RANBP2: variants seen among roughly 807,000 people sequenced by gnomAD.
RANBP2 encodes RAN binding protein 2.
In RANBP2, 57 loss-of-function variants were observed where a neutral mutation model predicts 303.6. That is an observed-to-expected ratio of 0.19 (90% CI 0.15 to 0.23). The LOEUF (loss-of-function observed/expected upper bound fraction) is 0.23, where lower values mean the gene tolerates loss of function less well. Ranked by LOEUF, RANBP2 falls within the 10% of genes least tolerant of loss-of-function variation. The pLI is 1.00. For missense variants in RANBP2, 3,138 were observed against 3,780.8 expected (o/e 0.83, Z 4.46); for synonymous variants, 1,167 against 1,301.5 (o/e 0.90, Z 2.23).
intron 18 of RANBP2, among the ~76,000 whole-genome samples, chr2:108,759,901 C>T (rs1676605743): frequency 6.6e-6 from 1 of 152,126 alleles, no homozygotes; most frequent in Admixed American, 6.6e-5. Flanking sequence ...CCAACATTCT[C>T]ATTGTCTCAT....
At chr2:109,642,139 G>A in the RANBP2 span, among the ~76,000 whole-genome samples, 2 of 152,056 alleles carry the variant, frequency 1.3e-5, no homozygotes, top group Non-Finnish European at 1.5e-5. Context: ...TGTTGGCTAG[G>A]CTGGTCTCGA....
chr2:109,154,723 G>C, the RANBP2 span, among the ~76,000 whole-genome samples: 6 of 152,206 alleles, frequency 3.9e-5, no homozygotes, highest in African/African-American at 1.4e-4. Context: ...CAAGGTCTGT[G>C]GGGGGTGATG....
the RANBP2 span, among the ~76,000 whole-genome samples, chr2:109,651,895 G>A: frequency 6.6e-6 from 1 of 152,154 alleles, no homozygotes; most frequent in East Asian, 1.9e-4. Context: ...CATGGTCTGT[G>A]TACAAAATGG....
the RANBP2 span, among the ~76,000 whole-genome samples, chr2:109,053,261 C>T: frequency 1.3e-5 from 2 of 152,180 alleles, no homozygotes; most frequent in Non-Finnish European, 1.5e-5. Context: ...TGTGAGAGGG[C>T]GAAACACTCG....
At chr2:108,894,134 A>C in the RANBP2 span, among the ~76,000 whole-genome samples, 5 of 152,196 alleles carry the variant, frequency 3.3e-5, no homozygotes, top group East Asian at 5.8e-4. Context: ...GAGCTATGAT[A>C]ATAAATGACT....
chr2:109,090,897 A>G, the RANBP2 span, among the ~76,000 whole-genome samples: 3 of 152,084 alleles, frequency 2.0e-5, no homozygotes, highest in African/African-American at 7.2e-5. Flanking sequence ...ATTTTTTCAT[A>G]CAATTTTCCC....
chr2:109,761,200 CGAA>C, the RANBP2 span, among the ~76,000 whole-genome samples: 4 of 142,696 alleles, frequency 2.8e-5, no homozygotes, highest in East Asian at 8.8e-4. Context: ...GGTGCTGCTG[CGAA>C]GTGCCCTTAG....
the RANBP2 span, among the ~76,000 whole-genome samples, chr2:109,064,465 A>AC: frequency 2.0e-5 from 3 of 148,462 alleles, no homozygotes; most frequent in South Asian, 6.6e-4. Flanking sequence ...CAAAAAAAAA[A>AC]AAAAAACAAA....
the RANBP2 span, among the ~76,000 whole-genome samples, chr2:109,108,655 A>G: frequency 6.6e-6 from 1 of 152,206 alleles, no homozygotes; most frequent in Admixed American, 6.5e-5. Flanking sequence ...TACAGGATAA[A>G]GAATTCTGGG....
chr2:109,548,255 C>T, the RANBP2 span, among the ~76,000 whole-genome samples: 1 of 151,860 alleles, frequency 6.6e-6, no homozygotes, highest in Non-Finnish European at 1.5e-5. Flanking sequence ...AACACAACCA[C>T]AGTGTCTAGA....
chr2:109,270,949 G>T, the RANBP2 span, among the ~76,000 whole-genome samples: 1 of 152,168 alleles, frequency 6.6e-6, no homozygotes, highest in Admixed American at 6.5e-5. Flanking sequence ...TGGCTAAGTG[G>T]GTTCTGCTTC....
chr2:109,615,090 G>T, the RANBP2 span: 7 of 1,549,580 alleles, frequency 4.5e-6, no homozygotes, highest in East Asian at 1.5e-4. Flanking sequence ...ACAGAGGCCG[G>T]CCCGCCAGAA....
chr2:109,419,049 G>A, the RANBP2 span, among the ~76,000 whole-genome samples: 7 of 152,098 alleles, frequency 4.6e-5, no homozygotes, highest in Non-Finnish European at 1.0e-4. Context: ...CTTGGGGGGA[G>A]GGGGGCACCC....
the RANBP2 span, among the ~76,000 whole-genome samples, chr2:109,402,114 C>T: frequency 6.6e-6 from 1 of 152,250 alleles, no homozygotes. Context: ...TATGCTGCCC[C>T]TGCGGGCTCC....
At chr2:109,590,571 A>G in the RANBP2 span, among the ~76,000 whole-genome samples, 1,797 of 152,182 alleles carry the variant, frequency 0.012, 18 homozygotes, top group South Asian at 0.018. Context: ...AGCTAGGATT[A>G]TAGGTGCTTG....
the RANBP2 span, among the ~76,000 whole-genome samples, chr2:109,080,089 G>A: frequency 6.6e-6 from 1 of 152,202 alleles, no homozygotes; most frequent in Admixed American, 6.5e-5. Flanking sequence ...GAGGCTTCGA[G>A]CTAGACCAGT....
the RANBP2 span, among the ~76,000 whole-genome samples, chr2:109,189,252 G>A: frequency 6.6e-6 from 1 of 151,848 alleles, no homozygotes; most frequent in Non-Finnish European, 1.5e-5. Context: ...GTGAGGTCTG[G>A]CCAAGCTTGA....
At chr2:109,701,470 T>C in the RANBP2 span, among the ~76,000 whole-genome samples, 1 of 152,140 alleles carries the variant, frequency 6.6e-6, no homozygotes, top group African/African-American at 2.4e-5. Flanking sequence ...AGTCAGGAAG[T>C]GGGGGGCCTC....
the RANBP2 span, among the ~76,000 whole-genome samples, chr2:109,660,925 C>G: frequency 4.6e-5 from 7 of 152,194 alleles, no homozygotes; most frequent in East Asian, 1.3e-3. Context: ...TGAATTATCT[C>G]TACTCCTATA....
Sources: gnomAD v4.1 joint callset for allele counts (sites outside exome capture counted in the v4.1 genomes callset) on GRCh38, gnomAD v4.1.1 for gene constraint, MANE v1.5 for transcripts, NCBI Gene and HGNC (gene_info 2026-07-23, HGNC 2026-07-21) for gene names.